Variants in STXBP5L observed in about 807,000 individuals in gnomAD.
STXBP5L encodes the protein syntaxin-binding protein 5-like.
A neutral mutation model predicts 144.5 loss-of-function variants in STXBP5L; 65 were observed. That is an observed-to-expected ratio of 0.45 (90% CI 0.37 to 0.55). The LOEUF (loss-of-function observed/expected upper bound fraction) is 0.55. Among genes scored for constraint, STXBP5L ranks in the 20% least tolerant of loss-of-function variants. STXBP5L has a pLI of 0.00. For missense variants in STXBP5L, 1,298 were observed against 1,405.5 expected, an observed-to-expected ratio of 0.92 and a Z score of 1.22; for synonymous variants, 505 against 469.6, an observed-to-expected ratio of 1.08 and a Z score of -0.97.
intron 3 of STXBP5L, among the ~76,000 whole-genome samples, chr3:121,014,573 G>A (rs1408413035): frequency 1.3e-5 from 2 of 151,574 alleles, no homozygotes; most frequent in East Asian, 3.8e-4. Context: ...TCATGGACTT[G>A]TTTTTCTATC....
intron 20 of STXBP5L, among the ~76,000 whole-genome samples, chr3:121,329,086 T>C (rs2108553863): frequency 6.6e-6 from 1 of 152,258 alleles, no homozygotes; most frequent in East Asian, 1.9e-4. Context: ...TGTATCTGTA[T>C]GCACATCTAT....
At chr3:121,015,846 A>G (rs1167524052) in intron 3 of STXBP5L, among the ~76,000 whole-genome samples, 2 of 152,162 alleles carry the variant, frequency 1.3e-5, no homozygotes, top group Non-Finnish European at 2.9e-5. Flanking sequence ...AGGTGTTACA[A>G]CTGGAGAAAC....
intron 5 of STXBP5L, among the ~76,000 whole-genome samples, chr3:121,101,786 A>G (rs2043440188): frequency 6.6e-6 from 1 of 152,042 alleles, no homozygotes; most frequent in Admixed American, 6.6e-5. Flanking sequence ...AAAGAAGAAG[A>G]AAAACTATGT....
At chr3:121,389,689 G>A (rs561104749) in intron 22 of STXBP5L, among the ~76,000 whole-genome samples, 1 of 152,324 alleles carries the variant, frequency 6.6e-6, no homozygotes, top group African/African-American at 2.4e-5. Flanking sequence ...ATGTAGTTGT[G>A]TGGTTTTGAG....
chr3:121,387,387 G>A (rs73183172), intron 22 of STXBP5L, among the ~76,000 whole-genome samples: 14,435 of 152,100 alleles, frequency 0.095, 966 homozygotes, highest in African/African-American at 0.18. Context: ...TTGCTTTGCC[G>A]GACAGAAGGT....
chr3:121,166,724 T>G (rs1394164479), intron 9 of STXBP5L, among the ~76,000 whole-genome samples: 1 of 152,190 alleles, frequency 6.6e-6, no homozygotes, highest in Non-Finnish European at 1.5e-5. Context: ...TTGCTCAATA[T>G]TAATACATAG....
intron 22 of STXBP5L, among the ~76,000 whole-genome samples, chr3:121,381,949 G>A (rs1324184263): frequency 7.2e-5 from 11 of 152,040 alleles, no homozygotes; most frequent in Non-Finnish European, 1.5e-4. Context: ...TCTGACCTAA[G>A]GTGGATTTCT....
rs1256589706 is a variant in STXBP5L at position 121,327,975 on chromosome 3, TCAATGTGAGGATGCA to T, written c.2176+9444_2176+9458del. On this transcript the variant is annotated intron_variant, in intron 20 of 26. Transcript: ENST00000471454. ...GGGTGTGAAGGATTAAAGAGACCATTCAATGTGAGGATGCACAATGTGACTTAAGGAGATTTTTAG... is the reference window on the plus strand; with the variant it reads ...GGGTGTGAAGGATTAAAGAGACCATTCAATGTGACTTAAGGAGATTTTTAG... Among the ~76,000 whole-genome samples, 3 of 152,294 alleles carry T rather than the reference TCAATGTGAGGATGCA, an allele frequency of 2.0e-5. No individual in the cohort carries two copies. The East Asian group carries it at 5.8e-4, about 29-fold the overall frequency.
At chr3:121,408,067 C>G (rs908575548) in intron 23 of STXBP5L, among the ~76,000 whole-genome samples, 1 of 151,930 alleles carries the variant, frequency 6.6e-6, no homozygotes, top group African/African-American at 2.4e-5. Context: ...GGAAAATAAA[C>G]TATTATTTGC....
At chr3:121,001,081 T>C (rs1028187062) in intron 3 of STXBP5L, among the ~76,000 whole-genome samples, 1 of 152,136 alleles carries the variant, frequency 6.6e-6, no homozygotes, top group African/African-American at 2.4e-5. Flanking sequence ...TTTGTCAAGG[T>C]GATGGCAACA....
At chr3:121,408,524 A>G (rs2047045999) in intron 23 of STXBP5L, among the ~76,000 whole-genome samples, 1 of 151,992 alleles carries the variant, frequency 6.6e-6, no homozygotes, top group Non-Finnish European at 1.5e-5. Context: ...TGAATTTTCT[A>G]GCCACAAACT....
chr3:121,369,121 C>T (rs541994952), intron 20 of STXBP5L, among the ~76,000 whole-genome samples: 23 of 152,320 alleles, frequency 1.5e-4, no homozygotes, highest in Admixed American at 2.0e-4. Context: ...GCACAGCTGC[C>T]TGGCAGGGGA....
intron 20 of STXBP5L, among the ~76,000 whole-genome samples, chr3:121,331,880 A>C (rs1028605264): frequency 6.6e-6 from 1 of 152,190 alleles, no homozygotes; most frequent in Non-Finnish European, 1.5e-5. Flanking sequence ...CTGCCATTCT[A>C]GCCCTGCAGG....
intron 10 of STXBP5L, among the ~76,000 whole-genome samples, chr3:121,208,119 G>A (rs1332476335): frequency 1.3e-5 from 2 of 152,156 alleles, no homozygotes; most frequent in African/African-American, 2.4e-5. Context: ...TTAAGAAAAT[G>A]TGGCACATAT....
intron 19 of STXBP5L, among the ~76,000 whole-genome samples, chr3:121,303,785 A>AC (rs2052028210): frequency 6.6e-6 from 1 of 152,106 alleles, no homozygotes; most frequent in African/African-American, 2.4e-5. Flanking sequence ...AGGACAAAAA[A>AC]CCAAACACTA....
Position 121,001,070 on chromosome 3 carries a change from C to G in STXBP5L, c.288-40630C>G, listed in dbSNP as rs146637751. ...GCATTGGTGGATGCTGGCAAAAGCC[C>G]TTTGTCAAGGTGATGGCAACATGAT... On this transcript the variant is annotated intron_variant, in intron 3 of 26. Transcript: ENST00000471454. Among the ~76,000 whole-genome samples, 69 of 152,272 alleles carry G rather than the reference C, an allele frequency of 4.5e-4. No homozygotes were observed. In the East Asian group the frequency reaches 0.012, roughly 26 times the overall value.
chr3:120,920,593 TATTTCTTGATTCAAAA>T (rs1709315029), intron 2 of STXBP5L, among the ~76,000 whole-genome samples: 1 of 151,868 alleles, frequency 6.6e-6, no homozygotes, highest in Non-Finnish European at 1.5e-5. Flanking sequence ...TACTAGATAT[TATTTCTTGATTCAAAA>T]TATATATATT....
intron 3 of STXBP5L, among the ~76,000 whole-genome samples, chr3:120,992,727 A>T (rs563450256): frequency 6.6e-6 from 1 of 152,092 alleles, no homozygotes; most frequent in Non-Finnish European, 1.5e-5. Context: ...GCTTGATTCT[A>T]TATCTTTGCA....
chr3:121,200,499 G>A (rs1474094132), intron 9 of STXBP5L, among the ~76,000 whole-genome samples: 6 of 152,072 alleles, frequency 3.9e-5, no homozygotes, highest in Non-Finnish European at 8.8e-5. Flanking sequence ...TCTGAACTTA[G>A]TTATTTCTTG....
Sources: allele counts gnomAD v4.1 joint callset (sites outside exome capture counted in the v4.1 genomes callset), GRCh38; gene constraint gnomAD v4.1.1; transcripts MANE v1.5; gene names NCBI Gene and HGNC (gene_info 2026-07-23, HGNC 2026-07-21).